The following RGL4 variants were observed in gnomAD, a reference collection of about 807,000 sequenced individuals.
RGL4 encodes ral-GDS-related protein.
RGL4 carries 41 observed loss-of-function variants against 49.6 expected under a neutral mutation model. The ratio of observed to expected loss-of-function variants is 0.83; its 90% confidence interval spans 0.64 to 1.07. RGL4 has a LOEUF of 1.07. Among genes scored for constraint, RGL4 ranks in the 50% least tolerant of loss-of-function variants. The pLI, the probability that RGL4 is intolerant of heterozygous loss-of-function variation, is 0.00. For missense variants in RGL4, 610 were observed against 591.9 expected, an observed-to-expected ratio of 1.03 and a Z score of -0.32; for synonymous variants, 255 against 238.0, an observed-to-expected ratio of 1.07 and a Z score of -0.66.
intron 3 of RGL4, 136 bp from the exon 4 acceptor site, chr22:23,693,623 T>C (rs779726856): frequency 1.2e-4 from 88 of 732,520 alleles, no homozygotes; most frequent in Non-Finnish European, 1.1e-4. Flanking sequence ...CTGGAGCCCA[T>C]TTTAAAGCTT....
intron 8 of RGL4, 56 bp from the exon 9 acceptor site, chr22:23,697,782 G>T: frequency 6.4e-7 from 1 of 1,569,936 alleles, no homozygotes. Flanking sequence ...GGAAGGGGTG[G>T]GGTGGGGCTG....
Position 23,692,821 on chromosome 22 carries a change from C to G in RGL4, c.526C>G (p.Pro176Ala), listed in dbSNP as rs774784961. 6.8e-6 allele frequency: 11 copies of G among 1,613,612 alleles called. No individual in the cohort carries two copies. The highest frequency in any genetic ancestry group is 8.5e-6 in the Non-Finnish European group (10 of 1,180,006). ...TCTACATTCAGCACCAGGGCCAGCA[C>G]CAGCACCAGGGGAAGGGCCCCCTCC... ...GYLHSAPGPA[P>A]APGEGPPPGT... The change falls in exon 3 of 11, where the codon CCA becomes GCA. Residue 176 changes from proline (P) to alanine (A), a missense_variant. By Grantham distance (27) the Pro-to-Ala change is conservative. Coordinates refer to ENST00000290691, the MANE Select transcript of RGL4 (RefSeq NM_153615.2).
In RGL4 at chr22:23,698,810, A is replaced by G. The variant is rs752317188; in HGVS notation, c.1383-34A>G. On this transcript the variant is annotated intron_variant, in intron 10 of 10. Transcript: ENST00000290691. ...TGACAGGGGACCTGATGTGTGGCTC[A>G]TGGTGGCCTCACAGCTGCTTCTCTG... is the stretch of plus-strand genomic sequence containing the variant. The G allele has an allele frequency of 6.3e-6, 10 of 1,595,630 alleles. No individual in the cohort carries two copies. The Admixed American group carries it at 1.4e-4, about 22-fold the overall frequency.
chr22:23,699,035 A>G lies in RGL4; in HGVS notation c.*152A>G. 1 of 1,547,186 alleles carries G rather than the reference A, an allele frequency of 6.5e-7. No homozygotes were observed. The highest frequency in any genetic ancestry group is 8.7e-7 in the Non-Finnish European group (1 of 1,146,404). ...ATCTTGCCCTGGATCCTCATCACCA[A>G]CTGCTCCTGCTGGCCAGGATCAGGC... On this transcript the variant is annotated 3_prime_UTR_variant, in exon 11 of 11. Coordinates refer to ENST00000290691, the MANE Select transcript of RGL4 (RefSeq NM_153615.2).
At chr22:23,692,569 G>A (rs781005992) in intron 2 of RGL4, 41 bp downstream of exon 2, 7 of 1,591,250 alleles carry the variant, frequency 4.4e-6, no homozygotes, top group Non-Finnish European at 6.0e-6. Flanking sequence ...CGGGGGTGGT[G>A]TTTTGGGGCT....
At chr22:23,697,038 C>T (rs978229158) in intron 7 of RGL4, 133 bp from the exon 8 acceptor site, 10 of 730,300 alleles carry the variant, frequency 1.4e-5, no homozygotes, top group Middle Eastern at 3.0e-4. Flanking sequence ...CTGCTCCAAC[C>T]GGGAGACCTG....
chr22:23,697,251 T>C lies in RGL4; in HGVS notation c.1236+6T>C. ...CCATCCCGGACGACCTGGATGTGAGTGAGCCTGGGGCAGGGTGCTTGGGAA... is the reference window on the plus strand; with the variant it reads ...CCATCCCGGACGACCTGGATGTGAGCGAGCCTGGGGCAGGGTGCTTGGGAA... On this transcript the variant is annotated splice_donor_region_variant and intron_variant, in intron 8 of 10. Transcript: ENST00000290691. The C allele has an allele frequency of 6.2e-7, 1 of 1,611,210 alleles. No homozygotes were observed. The highest frequency in any genetic ancestry group is 8.5e-7 in the Non-Finnish European group (1 of 1,177,756).
chr22:23,697,935 C>T, intron 9 of RGL4, 74 bp downstream of exon 9: 2 of 1,521,176 alleles, frequency 1.3e-6, no homozygotes, highest in Non-Finnish European at 1.8e-6. Context: ...GCAGGACACT[C>T]CCTGGCTCCA....
chr22:23,697,594 GCTTT>G (rs138156050), intron 8 of RGL4, among the ~76,000 whole-genome samples: 3,167 of 152,276 alleles, frequency 0.021, 103 homozygotes, highest in African/African-American at 0.071. Flanking sequence ...GTCACTGAGC[GCTTT>G]CTTTCTATGA....
intron 5 of RGL4, 98 bp from the exon 6 acceptor site, chr22:23,694,852 T>A: frequency 1.1e-6 from 1 of 950,756 alleles, no homozygotes; most frequent in African/African-American, 1.6e-5. Flanking sequence ...TCTCACCCAG[T>A]AAGCTGGGAT....
In RGL4 at chr22:23,692,341, C is replaced by A; in HGVS notation, c.186C>A (p.Ile62=). 1 of 1,614,088 alleles carries A rather than the reference C, an allele frequency of 6.2e-7. No individual in the cohort carries two copies. Among genetic ancestry groups the A allele is most frequent in the Non-Finnish European group, 8.5e-7 (1 of 1,179,960 alleles). Residue 62 remains isoleucine, a synonymous_variant, in exon 2 of 11, where the codon ATC becomes ATA. Coordinates refer to ENST00000290691, the MANE Select transcript of RGL4 (RefSeq NM_153615.2). ...CTGTCTACTCCATCACCAGCACCAT[C>A]ACCTCCATTTTGTTCAACTGGCCCC... ...FQDSTDGLRT[I]TSILFNWPPE...
rs752757575 is a variant in RGL4, at chr22:23,692,549, CA to C, written c.373+23del. ...AGATGGTGAGGGGGCTTGCAGTCTG[CA>C]AGACTTTCCGGGGGTGGTGTTTTGG... On this transcript the variant is annotated intron_variant, in intron 2 of 10. Coordinates refer to ENST00000290691, the MANE Select transcript of RGL4 (RefSeq NM_153615.2). 3.7e-6 allele frequency: 6 copies of C among 1,602,012 alleles called. No individual in the cohort carries two copies. The East Asian group carries it at 6.7e-5, about 18-fold the overall frequency.
rs758380170 is a variant in RGL4, at chr22:23,692,023, G to C, written c.-8G>C. ...CCCAGGACCAGGGGACCCAGATCTG[G>C]AGCTTTGATGAGGAAGCTGCTCACA... On this transcript the variant is annotated 5_prime_UTR_variant, in exon 1 of 11. Transcript: ENST00000290691. The C allele has an allele frequency of 6.2e-7, 1 of 1,612,658 alleles. No individual in the cohort carries two copies. Among genetic ancestry groups the C allele is most frequent in the Non-Finnish European group, 8.5e-7 (1 of 1,178,994 alleles).
intron 3 of RGL4, chr22:23,693,233 A>C: frequency 1.4e-6 from 1 of 699,810 alleles, no homozygotes; most frequent in Non-Finnish European, 2.3e-6. Flanking sequence ...GATGGACAGA[A>C]AGCAGGGCAG....
At chr22:23,695,360 C>T (rs1396253168) in intron 6 of RGL4, 2 of 473,910 alleles carry the variant, frequency 4.2e-6, no homozygotes, top group Admixed American at 2.4e-5. Flanking sequence ...GAGCTTCCTC[C>T]AGGCTGGAGG....
In RGL4 at chr22:23,691,856, TA is replaced by T; in HGVS notation, c.-172del. 5.0e-6 allele frequency: 3 copies of T among 601,340 alleles called. No individual in the cohort carries two copies. The highest frequency in any genetic ancestry group is 8.7e-6 in the Non-Finnish European group (3 of 346,162). The allele number at this position is 601,340 out of a possible 1,614,324, so 37.3% of individuals were successfully genotyped here. A position where few individuals can be genotyped will look rare whatever the true frequency, so the allele number is the denominator to read the frequency against. The stretch of plus-strand genomic sequence containing the variant: ...CACAAGAGGCAAATAGTGAGTTCTG[TA>T]AATGGAGACTTAGGTCCCCTGCAAA... On this transcript the variant is annotated 5_prime_UTR_variant, in exon 1 of 11. It adds an upstream start codon to the 5' untranslated region. Transcript: ENST00000290691.
intron 4 of RGL4, 70 bp from the exon 5 acceptor site, chr22:23,694,277 C>G: frequency 1.6e-6 from 2 of 1,218,042 alleles, no homozygotes; most frequent in Non-Finnish European, 2.4e-6. Flanking sequence ...GAGATCTCAG[C>G]AGAGGGGGCT....
In RGL4 at chr22:23,692,140, G is replaced by A. The variant is rs775973654; in HGVS notation, c.110G>A (p.Arg37His). Residue 37 changes from arginine (R) to histidine (H), a missense_variant, in exon 1 of 11, where the codon CGC becomes CAC. By Grantham distance (29) the Arg-to-His change is conservative. Transcript: ENST00000290691. Reference protein sequence around the residue: ...WEENVCGTPGRTRVCTALLYG... With the variant: ...WEENVCGTPGHTRVCTALLYG... Reference sequence around the variant, plus strand: ...GAGAATGTCTGTGGGACGCCAGGGCGCACGAGGGTCTGTACAGCCCTGCTG... The same window carrying A: ...GAGAATGTCTGTGGGACGCCAGGGCACACGAGGGTCTGTACAGCCCTGCTG... 1.4e-5 allele frequency: 22 copies of A among 1,614,100 alleles called. No individual in the cohort carries two copies. The highest frequency in any genetic ancestry group is 3.3e-4 in the Middle Eastern group (2 of 6,084).
At chr22:23,694,093 G>A in intron 4 of RGL4, 119 bp downstream of exon 4, 1 of 913,152 alleles carries the variant, frequency 1.1e-6, no homozygotes. Flanking sequence ...CATCCCCTAG[G>A]CTCTTCTTGC....
Sources: gnomAD v4.1 joint callset for allele counts (sites outside exome capture counted in the v4.1 genomes callset) on GRCh38, gnomAD v4.1.1 for gene constraint, MANE v1.5 for transcripts, NCBI Gene and HGNC (gene_info 2026-07-23, HGNC 2026-07-21) for gene names.